NRG1: variants seen among roughly 807,000 people sequenced by gnomAD.
NRG1 encodes pro-neuregulin-1, membrane-bound isoform.
Under a neutral mutation model 63.8 loss-of-function variants are expected in NRG1, and 18 were observed. That is an observed-to-expected ratio of 0.28 (90% CI 0.19 to 0.42). The LOEUF (loss-of-function observed/expected upper bound fraction) is 0.42. NRG1 is among the 10% of genes least tolerant of loss of function. The probability of loss-of-function intolerance (pLI) is 1.00; values close to 1 mark genes in which losing one functional copy is unlikely to be tolerated. For synonymous variants in NRG1, 302 were observed against 301.3 expected (o/e 1.00, Z -0.02); for missense variants, 762 against 814.7 (o/e 0.94, Z 0.79).
Position 32,453,697 on chromosome 8 carries a change from T to C in NRG1, c.38-142131T>C, listed in dbSNP as rs140716595. Among the ~76,000 whole-genome samples the C allele has an allele frequency of 1.1e-4, 17 of 152,296 alleles. No homozygotes were observed. The East Asian group carries it at 3.3e-3, about 29-fold the overall frequency. On this transcript the variant is annotated intron_variant, in intron 1 of 10. Transcript: ENST00000519301. ...CAGACAGTCCTTCCACAGCAATTAT[T>C]TGTGATTTCGAGCATCGTTGTTGAT...
intron 1 of NRG1, among the ~76,000 whole-genome samples, chr8:31,830,346 CTT>C: frequency 2.6e-4 from 30 of 114,480 alleles, no homozygotes; most frequent in African/African-American, 9.6e-4. Context: ...TCCTTCCTTC[CTT>C]CCTTCCTTCC....
intron 1 of NRG1, among the ~76,000 whole-genome samples, chr8:32,172,874 T>C (rs1840233860): frequency 2.0e-5 from 3 of 152,138 alleles, no homozygotes; most frequent in Non-Finnish European, 4.4e-5. Flanking sequence ...TTGGTGTAAC[T>C]GAAAGTGATG....
At chr8:32,410,176 C>CTTTTTTTTTTTT (rs374377158) in intron 1 of NRG1, among the ~76,000 whole-genome samples, 2 of 99,308 alleles carry the variant, frequency 2.0e-5, no homozygotes, top group Non-Finnish European at 3.9e-5. Context: ...TTTTTCTTTC[C>CTTTTTTTTTTTT]TTTTTTTTTT....
intron 5 of NRG1, among the ~76,000 whole-genome samples, chr8:32,623,587 C>T (rs1848697790): frequency 6.6e-6 from 1 of 152,040 alleles, no homozygotes; most frequent in African/African-American, 2.4e-5. Flanking sequence ...CTCATATTAC[C>T]TCATCTTTTT....
At chr8:31,799,630 A>G (rs1024355300) in intron 1 of NRG1, among the ~76,000 whole-genome samples, 2 of 152,030 alleles carry the variant, frequency 1.3e-5, no homozygotes, top group Non-Finnish European at 2.9e-5. Flanking sequence ...TTTCTATTTG[A>G]CATAATAACA....
intron 1 of NRG1, among the ~76,000 whole-genome samples, chr8:32,393,226 C>A (rs1029749965): frequency 6.6e-6 from 1 of 152,086 alleles, no homozygotes; most frequent in East Asian, 1.9e-4. Context: ...CCACAAAATA[C>A]CATCTTCCTC....
At chr8:32,094,051 A>T (rs1829561429) in intron 1 of NRG1, among the ~76,000 whole-genome samples, 3 of 152,146 alleles carry the variant, frequency 2.0e-5, no homozygotes. Flanking sequence ...AATATTTTCC[A>T]CTTAAAGAGA....
At position 31,742,455 on chromosome 8, in the gene NRG1, A is replaced by ATTTTTTTTT. The variant is rs36040084; in HGVS notation, c.37+103042_37+103050dup. Among the ~76,000 whole-genome samples the ATTTTTTTTT allele has an allele frequency of 9.7e-4, 78 of 80,020 alleles. 10 individuals are homozygous for ATTTTTTTTT. Among genetic ancestry groups the ATTTTTTTTT allele is most frequent in the Middle Eastern group, 0.02 (2 of 102 alleles). 52.5% of individuals were successfully genotyped at this position (80,020 alleles called of 152,430 possible). Reference sequence around the variant, plus strand: ...GCAACGACAGACAACTTTTTTAAGAATTTTTTTTTTTTTTTTTTTTTTTTT... The same window carrying ATTTTTTTTT: ...GCAACGACAGACAACTTTTTTAAGAATTTTTTTTTTTTTTTTTTTTTTTTTTTTTTTTTT... On this transcript the variant is annotated intron_variant, in intron 1 of 10. Coordinates refer to the NRG1 transcript ENST00000519301.
intron 1 of NRG1, among the ~76,000 whole-genome samples, chr8:32,137,018 C>G (rs1185591155): frequency 6.6e-6 from 1 of 152,030 alleles, no homozygotes; most frequent in Non-Finnish European, 1.5e-5. Flanking sequence ...GGCATATACT[C>G]TATATCTGGT....
chr8:32,696,145 A>T (rs1185838831), intron 5 of NRG1, among the ~76,000 whole-genome samples: 1 of 152,176 alleles, frequency 6.6e-6, no homozygotes, highest in Non-Finnish European at 1.5e-5. Flanking sequence ...CTGATCTATA[A>T]TGTGAAGGAA....
chr8:32,319,964 AC>A (rs1303624706), intron 1 of NRG1, among the ~76,000 whole-genome samples: 1 of 152,252 alleles, frequency 6.6e-6, no homozygotes, highest in East Asian at 1.9e-4. Flanking sequence ...ATAGTGCGTG[AC>A]CTTAGCCCCA....
At chr8:32,012,123 T>C (rs1204881569) in intron 1 of NRG1, among the ~76,000 whole-genome samples, 1 of 152,104 alleles carries the variant, frequency 6.6e-6, no homozygotes, top group Non-Finnish European at 1.5e-5. Context: ...GCAAGAGCTT[T>C]CTATTGGAAG....
intron 1 of NRG1, among the ~76,000 whole-genome samples, chr8:32,469,695 G>A (rs894133161): frequency 1.3e-5 from 2 of 152,156 alleles, no homozygotes; most frequent in Admixed American, 1.3e-4. Flanking sequence ...TAGGGAATGG[G>A]GTGAGACCCT....
intron 1 of NRG1, among the ~76,000 whole-genome samples, chr8:32,498,466 A>T (rs1827480818): frequency 6.6e-6 from 1 of 152,232 alleles, no homozygotes; most frequent in Non-Finnish European, 1.5e-5. Flanking sequence ...TGGCGGCTGC[A>T]AGGAGAAGTG....
chr8:31,717,520 A>G (rs987637455), intron 1 of NRG1, among the ~76,000 whole-genome samples: 1 of 152,026 alleles, frequency 6.6e-6, no homozygotes, highest in African/African-American at 2.4e-5. Flanking sequence ...GGCACTGAAG[A>G]TTACTGTTTA....
At chr8:31,722,265 C>T (rs979533737) in intron 1 of NRG1, among the ~76,000 whole-genome samples, 1 of 152,070 alleles carries the variant, frequency 6.6e-6, no homozygotes, top group Non-Finnish European at 1.5e-5. Flanking sequence ...GCTTACTTTA[C>T]TCCCAGGTCT....
At chr8:32,591,852 C>T (rs550485709) in intron 1 of NRG1, among the ~76,000 whole-genome samples, 2 of 152,124 alleles carry the variant, frequency 1.3e-5, no homozygotes, top group East Asian at 3.9e-4. Context: ...ATGCTTATTA[C>T]TTGGACGATG....
intron 1 of NRG1, among the ~76,000 whole-genome samples, chr8:32,497,523 AT>A (rs1283572590): frequency 3.3e-5 from 5 of 151,866 alleles, no homozygotes; most frequent in Admixed American, 2.6e-4. Context: ...CATAATTATC[AT>A]TTTTTAACTT....
chr8:32,338,948 T>C (rs1014622986), intron 1 of NRG1, among the ~76,000 whole-genome samples: 1 of 151,850 alleles, frequency 6.6e-6, no homozygotes, highest in Non-Finnish European at 1.5e-5. Flanking sequence ...TCGAGAGGAG[T>C]TCACAGCTCC....
Sources: gnomAD v4.1 joint callset for allele counts (sites outside exome capture counted in the v4.1 genomes callset) on GRCh38, gnomAD v4.1.1 for gene constraint, MANE v1.5 for transcripts, NCBI Gene and HGNC (gene_info 2026-07-23, HGNC 2026-07-21) for gene names.